The following CNTN5 variants were observed in gnomAD, a reference collection of about 807,000 sequenced individuals.
CNTN5 encodes contactin-5.
In CNTN5, 77 loss-of-function variants were observed where a neutral mutation model predicts 129.1. The observed-to-expected ratio is 0.60, with a 90% CI of 0.50 to 0.72. CNTN5 has a LOEUF of 0.72. CNTN5 is among the 30% of genes least tolerant of loss of function. The pLI is 0.00. For synonymous variants in CNTN5, 509 were observed against 465.6 expected (o/e 1.09, Z -1.20); for missense variants, 1,478 against 1,328.8 (o/e 1.11, Z -1.75).
chr11:99,848,022 C>A (rs1203179544), intron 6 of CNTN5, among the ~76,000 whole-genome samples: 1 of 152,052 alleles, frequency 6.6e-6, no homozygotes, highest in Non-Finnish European at 1.5e-5. Context: ...ACCATCCTGG[C>A]GAACACGGTG....
intron 2 of CNTN5, among the ~76,000 whole-genome samples, chr11:99,472,394 C>A (rs893348900): frequency 2.0e-5 from 3 of 152,094 alleles, no homozygotes; most frequent in Admixed American, 1.3e-4. Context: ...TCATTTACTG[C>A]AAATTTTGTG....
intron 8 of CNTN5, among the ~76,000 whole-genome samples, chr11:99,999,984 A>G (rs1939752804): frequency 6.8e-6 from 1 of 147,448 alleles, no homozygotes; most frequent in Non-Finnish European, 1.5e-5. Flanking sequence ...AGGAAGGGGA[A>G]CATCACACTC....
At chr11:99,720,180 G>A (rs1943124907) in intron 3 of CNTN5, among the ~76,000 whole-genome samples, 1 of 152,076 alleles carries the variant, frequency 6.6e-6, no homozygotes, top group Non-Finnish European at 1.5e-5. Context: ...TATGAGGCCA[G>A]CATCATCTTG....
At chr11:99,157,764 C>T (rs963071795) in intron 1 of CNTN5, among the ~76,000 whole-genome samples, 19 of 152,098 alleles carry the variant, frequency 1.2e-4, no homozygotes, top group African/African-American at 4.3e-4. Flanking sequence ...CTACTACTCA[C>T]TACCTATTAC....
intron 16 of CNTN5, among the ~76,000 whole-genome samples, chr11:100,239,436 CATAAA>C (rs567601940): frequency 1.3e-5 from 2 of 151,942 alleles, no homozygotes; most frequent in Non-Finnish European, 2.9e-5. Flanking sequence ...GTTTATATCA[CATAAA>C]ATAAGAAATA....
At chr11:99,514,832 C>T (rs55967800) in intron 2 of CNTN5, among the ~76,000 whole-genome samples, 9,992 of 152,010 alleles carry the variant, frequency 0.066, 360 homozygotes, top group African/African-American at 0.097. Flanking sequence ...ATTGAACTTG[C>T]ACTATATCCC....
chr11:99,561,464 TC>T (rs1206616896), intron 3 of CNTN5, among the ~76,000 whole-genome samples: 1 of 152,206 alleles, frequency 6.6e-6, no homozygotes, highest in Non-Finnish European at 1.5e-5. Flanking sequence ...AGATACTTCA[TC>T]CTCAAGGAGG....
At chr11:100,151,582 G>C (rs1947059589) in intron 13 of CNTN5, among the ~76,000 whole-genome samples, 1 of 152,084 alleles carries the variant, frequency 6.6e-6, no homozygotes, top group Non-Finnish European at 1.5e-5. Flanking sequence ...TCGACTTATA[G>C]GTTTCCCTAC....
chr11:99,909,360 G>A (rs964417153), intron 6 of CNTN5, among the ~76,000 whole-genome samples: 3 of 152,136 alleles, frequency 2.0e-5, no homozygotes, highest in Admixed American at 6.6e-5. Context: ...TACACTGTTG[G>A]TGGGACTGTA....
At chr11:100,235,152 T>G (rs1003898419) in intron 16 of CNTN5, among the ~76,000 whole-genome samples, 1 of 152,254 alleles carries the variant, frequency 6.6e-6, no homozygotes, top group Non-Finnish European at 1.5e-5. Context: ...TATCTGTTCA[T>G]TTGTTTGAAT....
At chr11:99,598,007 T>G (rs1466496216) in intron 3 of CNTN5, among the ~76,000 whole-genome samples, 1 of 152,122 alleles carries the variant, frequency 6.6e-6, no homozygotes, top group Non-Finnish European at 1.5e-5. Context: ...AATACCACTC[T>G]GTCATCTCTT....
intron 3 of CNTN5, among the ~76,000 whole-genome samples, chr11:99,818,011 G>T (rs1251631166): frequency 2.0e-5 from 3 of 152,174 alleles, no homozygotes; most frequent in East Asian, 1.9e-4. Flanking sequence ...GAGTTTCAGA[G>T]AAATCATATT....
At chr11:99,972,112 T>A (rs1482117698) in intron 8 of CNTN5, among the ~76,000 whole-genome samples, 25 of 60,806 alleles carry the variant, frequency 4.1e-4, no homozygotes, top group Non-Finnish European at 6.2e-4. Context: ...AAAAAAAAAA[T>A]TAGCCGGGCG....
rs566356331 is a variant in CNTN5, at chr11:100,161,291, A to G, written c.1581-29835A>G. Among the ~76,000 whole-genome samples the G allele has an allele frequency of 5.5e-4, 83 of 152,000 alleles. 1 individual carries two copies. The South Asian group carries it at 0.013, about 24-fold the overall frequency. ...CCCCTTGAAGAAGGCCCAAGCCCCAATAGAGATGAAAATGTTCTAAATGAG... is the reference window on the plus strand; with the variant it reads ...CCCCTTGAAGAAGGCCCAAGCCCCAGTAGAGATGAAAATGTTCTAAATGAG... On this transcript the variant is annotated intron_variant, in intron 13 of 24. Transcript: ENST00000524871.
chr11:99,671,407 T>C (rs1953038078), intron 3 of CNTN5, among the ~76,000 whole-genome samples: 4 of 152,182 alleles, frequency 2.6e-5, no homozygotes, highest in South Asian at 4.1e-4. Context: ...ACATAAGCAC[T>C]CTAAGTGTAT....
chr11:99,267,129 T>C (rs1056189166), intron 1 of CNTN5, among the ~76,000 whole-genome samples: 2 of 152,004 alleles, frequency 1.3e-5, no homozygotes, highest in Non-Finnish European at 2.9e-5. Flanking sequence ...ATGACACTGA[T>C]ACCACGAAGC....
intron 2 of CNTN5, among the ~76,000 whole-genome samples, chr11:99,539,768 A>G (rs12279785): frequency 0.25 from 37,638 of 151,954 alleles, 5,143 homozygotes; most frequent in Non-Finnish European, 0.31. Flanking sequence ...CTTTTGCAAA[A>G]GTATTAAAAA....
chr11:99,450,801 A>G (rs549902105), intron 2 of CNTN5, among the ~76,000 whole-genome samples: 1 of 121,896 alleles, frequency 8.2e-6, no homozygotes, highest in Admixed American at 1.0e-4. Context: ...GCTCTTCTGC[A>G]CATGTCTGAA....
At chr11:99,723,750 TTGTGTGTGTGTA>T (rs987572361) in intron 3 of CNTN5, among the ~76,000 whole-genome samples, 5 of 151,902 alleles carry the variant, frequency 3.3e-5, no homozygotes, top group African/African-American at 1.2e-4. Flanking sequence ...ATGCAGTAAA[TTGTGTGTGTGTA>T]TGTGTGTGTG....
Sources: allele counts gnomAD v4.1 joint callset (sites outside exome capture counted in the v4.1 genomes callset), GRCh38; gene constraint gnomAD v4.1.1; transcripts MANE v1.5; gene names NCBI Gene and HGNC (gene_info 2026-07-23, HGNC 2026-07-21).